MACROD2: variants seen among roughly 807,000 people sequenced by gnomAD.
MACROD2 encodes the protein ADP-ribose glycohydrolase MACROD2.
A neutral mutation model predicts 70.4 loss-of-function variants in MACROD2; 36 were observed. That is an observed-to-expected ratio of 0.51 (90% CI 0.39 to 0.68). The LOEUF is 0.68. Among genes scored for constraint, MACROD2 ranks in the 30% least tolerant of loss-of-function variants. The probability of loss-of-function intolerance (pLI) is 0.00; values close to 1 mark genes in which losing one functional copy is unlikely to be tolerated. For missense variants in MACROD2, 496 were observed against 538.4 expected (o/e 0.92, Z 0.78); for synonymous variants, 172 against 178.8 (o/e 0.96, Z 0.30).
chr20:15,157,359 A>ACCCCCC (rs1568606906), intron 5 of MACROD2, among the ~76,000 whole-genome samples: 1 of 115,306 alleles, frequency 8.7e-6, no homozygotes, highest in African/African-American at 3.3e-5. Flanking sequence ...ACCCCCCCCC[A>ACCCCCC]CCTCCCCCCC....
At chr20:14,024,688 A>G (rs1247189623) in intron 2 of MACROD2, among the ~76,000 whole-genome samples, 1 of 152,204 alleles carries the variant, frequency 6.6e-6, no homozygotes, top group Non-Finnish European at 1.5e-5. Context: ...TGATTTGCAT[A>G]TGTTGAACCA....
chr20:14,513,366 A>G (rs1405719149), intron 4 of MACROD2, among the ~76,000 whole-genome samples: 1 of 152,138 alleles, frequency 6.6e-6, no homozygotes, highest in African/African-American at 2.4e-5. Flanking sequence ...AATACTGTAT[A>G]TAGTAATTAA....
intron 8 of MACROD2, among the ~76,000 whole-genome samples, chr20:15,657,734 T>C (rs552653740): frequency 6.6e-6 from 1 of 152,350 alleles, no homozygotes; most frequent in Admixed American, 6.5e-5. Context: ...GGCTCACGCC[T>C]GTAATCCCAG....
At chr20:14,891,770 C>T (rs530738571) in intron 5 of MACROD2, among the ~76,000 whole-genome samples, 2 of 152,088 alleles carry the variant, frequency 1.3e-5, no homozygotes, top group East Asian at 1.9e-4. Context: ...AAAAAAAGAA[C>T]CATATATAGC....
chr20:14,864,392 G>GATAGCTTT (rs2073405189), intron 5 of MACROD2, among the ~76,000 whole-genome samples: 1 of 152,004 alleles, frequency 6.6e-6, no homozygotes, highest in Admixed American at 6.6e-5. Context: ...CAAGTCCTAT[G>GATAGCTTT]ATAGCTTTAT....
At chr20:15,082,654 T>G (rs1408256146) in intron 5 of MACROD2, among the ~76,000 whole-genome samples, 1 of 151,920 alleles carries the variant, frequency 6.6e-6, no homozygotes, top group African/African-American at 2.4e-5. Context: ...GTTTGGGAAT[T>G]AGACTTCAAT....
At chr20:14,759,485 A>C (rs1414839286) in intron 5 of MACROD2, among the ~76,000 whole-genome samples, 1 of 152,112 alleles carries the variant, frequency 6.6e-6, no homozygotes, top group Non-Finnish European at 1.5e-5. Flanking sequence ...ATTCTATTAT[A>C]AAGGTGTATT....
At chr20:14,035,437 T>C (rs1235929110) in intron 2 of MACROD2, among the ~76,000 whole-genome samples, 1 of 152,230 alleles carries the variant, frequency 6.6e-6, no homozygotes, top group Non-Finnish European at 1.5e-5. Context: ...GTATGTGGTC[T>C]TGTGCAAACA....
At chr20:15,474,823 C>T (rs541153709) in intron 7 of MACROD2, among the ~76,000 whole-genome samples, 59 of 152,058 alleles carry the variant, frequency 3.9e-4, no homozygotes, top group Non-Finnish European at 6.3e-4. Flanking sequence ...TGGATGTCAG[C>T]CCTATCCACT....
rs5028762 is a variant in MACROD2, at chr20:14,822,345, T to C, written c.418+137386T>C. The stretch of plus-strand genomic sequence containing the variant: ...CACTGAAGATGGATAAGTTTTAGGG[T>C]ATCTGAACCTTTTAAACCTTGTGGG... On this transcript the variant is annotated intron_variant, in intron 5 of 17. Coordinates refer to ENST00000684519, the MANE Select transcript of MACROD2 (RefSeq NM_001351661.2). 2.8e-3 allele frequency among the ~76,000 whole-genome samples: 428 copies of C among 152,130 alleles called. 9 individuals carry two copies. The East Asian group carries it at 0.052, about 18-fold the overall frequency.
At chr20:14,650,638 C>G (rs921236715) in intron 4 of MACROD2, among the ~76,000 whole-genome samples, 1 of 152,194 alleles carries the variant, frequency 6.6e-6, no homozygotes, top group African/African-American at 2.4e-5. Flanking sequence ...GCTGGATGTT[C>G]TTCTGTGGTT....
intron 4 of MACROD2, among the ~76,000 whole-genome samples, chr20:14,619,283 A>G (rs1235902769): frequency 1.3e-5 from 2 of 150,838 alleles, no homozygotes; most frequent in East Asian, 4.0e-4. Context: ...GCCTCCCTCT[A>G]ACTAGGCTGC....
chr20:15,196,358 T>C (rs2076606690), intron 5 of MACROD2, among the ~76,000 whole-genome samples: 1 of 152,106 alleles, frequency 6.6e-6, no homozygotes. Flanking sequence ...AATTCATTAA[T>C]TAATAAGGAA....
intron 5 of MACROD2, among the ~76,000 whole-genome samples, chr20:14,955,698 G>A (rs991371288): frequency 4.0e-5 from 6 of 151,796 alleles, no homozygotes; most frequent in Non-Finnish European, 5.9e-5. Context: ...TGCGACCAGC[G>A]CTCCCCCACC....
Position 15,460,977 on chromosome 20 carries a change from C to CATAT in MACROD2, c.571+29569_571+29572dup, listed in dbSNP as rs1157335873. On this transcript the variant is annotated intron_variant, in intron 7 of 17. Coordinates refer to ENST00000684519, the MANE Select transcript of MACROD2 (RefSeq NM_001351661.2). The stretch of plus-strand genomic sequence containing the variant: ...TTCCCTTTAATTATCTCTCTCTCTC[C>CATAT]ATATATATATATATATATATATATA... 2.0e-3 allele frequency among the ~76,000 whole-genome samples: 136 copies of CATAT among 69,714 alleles called. 2 individuals carry two copies. The highest frequency in any genetic ancestry group is 4.4e-3 in the African/African-American group (86 of 19,704). 45.7% of individuals were successfully genotyped at this position (69,714 alleles called of 152,430 possible). A position where few individuals can be genotyped will look rare whatever the true frequency, so the allele number is the denominator to read the frequency against.
intron 8 of MACROD2, among the ~76,000 whole-genome samples, chr20:15,599,192 C>T (rs111239738): frequency 0.047 from 6,922 of 148,714 alleles, 255 homozygotes; most frequent in Non-Finnish European, 0.066. Context: ...CATCCCTGGC[C>T]AACATGGTGA....
intron 5 of MACROD2, among the ~76,000 whole-genome samples, chr20:14,912,753 A>G (rs1318856839): frequency 6.6e-6 from 1 of 152,176 alleles, no homozygotes; most frequent in Non-Finnish European, 1.5e-5. Flanking sequence ...TCACACAATG[A>G]GACAAGGAAA....
intron 3 of MACROD2, among the ~76,000 whole-genome samples, chr20:14,160,722 C>T (rs2148717223): frequency 6.6e-6 from 1 of 151,978 alleles, no homozygotes; most frequent in African/African-American, 2.4e-5. Context: ...TGTTTAAGTT[C>T]TGCTCTGATT....
At chr20:15,272,407 G>A (rs900192520) in intron 6 of MACROD2, among the ~76,000 whole-genome samples, 2 of 152,142 alleles carry the variant, frequency 1.3e-5, no homozygotes, top group Non-Finnish European at 2.9e-5. Context: ...TTTGTAAGAG[G>A]CTATTTCCTT....
Sources: allele counts gnomAD v4.1 joint callset (sites outside exome capture counted in the v4.1 genomes callset), GRCh38; gene constraint gnomAD v4.1.1; transcripts MANE v1.5; gene names NCBI Gene and HGNC (gene_info 2026-07-23, HGNC 2026-07-21).